Variants in ANKRD52 observed in about 807,000 individuals in gnomAD.
ANKRD52 encodes the protein ankyrin repeat domain 52, also known as serine/threonine-protein phosphatase 6 regulatory ankyrin repeat subunit C.
A neutral mutation model predicts 116.0 loss-of-function variants in ANKRD52; 7 were observed. The ratio of observed to expected loss-of-function variants is 0.06; its 90% CI spans 0.03 to 0.11. The LOEUF (loss-of-function observed/expected upper bound fraction) is 0.11. Among genes scored for constraint, ANKRD52 ranks in the 10% least tolerant of loss-of-function variants. The probability of loss-of-function intolerance (pLI) is 1.00; values close to 1 mark genes in which losing one functional copy is unlikely to be tolerated. For missense variants in ANKRD52, 839 were observed against 1,408.6 expected (o/e 0.60, Z 6.47); for synonymous variants, 528 against 578.1 (o/e 0.91, Z 1.24).
rs1871985767 is a variant in ANKRD52 at position 56,257,017 on chromosome 12, C to T, written c.259G>A (p.Glu87Lys). ...PLHRAAASRN[E>K]KVLGLLLAHS... The stretch of plus-strand genomic sequence containing the variant: ...TAATAGAAGGTGGGGGTGCATACCT[C>T]GTTTCGGGAGGCAGCAGCACGATGA... The change falls in exon 4 of 28, where the codon GAG becomes AAG. Residue 87 changes from glutamate to lysine, a missense_variant and splice_region_variant. By Grantham distance (56) the Glu-to-Lys change is moderately conservative (BLOSUM62 1). This residue lies in a region of ANKRD52 where 287 missense variants were observed against 598.1 expected (regional missense o/e 0.48). Transcript: ENST00000267116. 4 of 1,612,770 alleles carry T rather than the reference C, an allele frequency of 2.5e-6. No homozygotes were observed. The highest frequency in any genetic ancestry group is 1.7e-5 in the Admixed American group (1 of 59,732).
intron 4 of ANKRD52, 148 bp from the exon 5 acceptor site, chr12:56,256,132 T>G: frequency 1.3e-6 from 1 of 764,128 alleles, no homozygotes; most frequent in Non-Finnish European, 2.1e-6. Flanking sequence ...AGCCTCTGAA[T>G]ACCTACTTTC....
At chr12:56,257,803 G>A (rs759874996) in intron 2 of ANKRD52, 25 bp downstream of exon 2, 1 of 1,609,712 alleles carries the variant, frequency 6.2e-7, no homozygotes, top group South Asian at 1.1e-5. Context: ...TTCCGGTCTC[G>A]CCATCCTCCC....
intron 15 of ANKRD52, 111 bp downstream of exon 15, chr12:56,251,880 TCAAGACACACTGCTGGCTGACCGG>T (rs1278420588): frequency 6.4e-6 from 6 of 944,712 alleles, no homozygotes; most frequent in Non-Finnish European, 9.5e-6. Flanking sequence ...CCCAGAGGGC[TCAAGACACACTGCTGGCTGACCGG>T]CAGGACAGCA....
chr12:56,248,594 A>G lies in ANKRD52; in HGVS notation c.1705-28T>C. ...GCAAAGGACAGGAAAGTAGGTGCTG[A>G]GACTCTGGAACTCCCAAGATAGTAC... On this transcript the variant is annotated intron_variant, in intron 16 of 27. Coordinates refer to ENST00000267116, the MANE Select transcript of ANKRD52 (RefSeq NM_173595.4). The surrounding 1 kb of genome is among the most constrained non-coding windows in gnomAD (Gnocchi z 5.1). 1.3e-6 allele frequency: 2 copies of G among 1,567,180 alleles called. No homozygotes were observed. Among genetic ancestry groups the G allele is most frequent in the African/African-American group, 2.7e-5 (2 of 73,896 alleles).
Position 56,255,191 on chromosome 12 carries a change from C to CTAT in ANKRD52, c.463-240_463-239insATA. 2.6e-6 allele frequency: 1 copy of CTAT among 389,000 alleles called. No homozygotes were observed. The highest frequency in any genetic ancestry group is 3.9e-5 in the Admixed American group (1 of 25,582). The allele number at this position is 389,000 out of a possible 1,614,324, so 24.1% of individuals were successfully genotyped here. On this transcript the variant is annotated intron_variant, in intron 5 of 27. Coordinates refer to ENST00000267116, the MANE Select transcript of ANKRD52 (RefSeq NM_173595.4). The surrounding 1 kb of genome is among the most constrained non-coding windows in gnomAD (Gnocchi z 4.3). ...TTCAGGTGATCTGGTGGTTCTTAAA[C>CTAT]TCTTTTTTTTTTTTTTTTTGAGACA... is the stretch of plus-strand genomic sequence containing the variant.
intron 15 of ANKRD52, among the ~76,000 whole-genome samples, chr12:56,249,266 C>G (rs1014058420): frequency 6.6e-6 from 1 of 152,228 alleles, no homozygotes; most frequent in Non-Finnish European, 1.5e-5. Flanking sequence ...TCAGTCCCAG[C>G]TTCTCTCCTC....
At position 56,253,704 on chromosome 12, in the gene ANKRD52, A is replaced by G. The variant is rs755441922; in HGVS notation, c.985+18T>C. 6.2e-7 allele frequency: 1 copy of G among 1,611,772 alleles called. No homozygotes were observed. On this transcript the variant is annotated intron_variant, in intron 9 of 27. Transcript: ENST00000267116. The surrounding 1 kb of genome is among the most constrained non-coding windows in gnomAD (Gnocchi z 5.5). ...GGGGGAGGAGGGGATGAGAGCACAAAGTCTCCCAGGTCCATACCATTCTGG... is the reference window on the plus strand; with the variant it reads ...GGGGGAGGAGGGGATGAGAGCACAAGGTCTCCCAGGTCCATACCATTCTGG...
Position 56,253,175 on chromosome 12 carries a change from G to A in ANKRD52, c.1101-89C>T. 6.9e-7 allele frequency: 1 copy of A among 1,453,412 alleles called. No homozygotes were observed. The highest frequency in any genetic ancestry group is 1.3e-5 in the South Asian group (1 of 77,828). 90.0% of individuals were successfully genotyped at this position (1,453,412 alleles called of 1,614,324 possible). A position where few individuals can be genotyped will look rare whatever the true frequency, so the allele number is the denominator to read the frequency against. ...GACCTACCACCACCCTAGAGTCAGG[G>A]TAGGAGGTTCTCCAAGGTGCCCTTT... is the stretch of plus-strand genomic sequence containing the variant. On this transcript the variant is annotated intron_variant, in intron 10 of 27. Transcript: ENST00000267116. This position sits in a 1 kb window ranked among gnomAD's most constrained non-coding sequence, Gnocchi z 5.5.
chr12:56,254,591 C>G lies in ANKRD52; in HGVS notation c.680G>C (p.Arg227Pro). The G allele has an allele frequency of 6.2e-7, 1 of 1,613,884 alleles. No homozygotes were observed. Among genetic ancestry groups the G allele is most frequent in the Non-Finnish European group, 8.5e-7 (1 of 1,179,846 alleles). Residue 227 changes from arginine (R) to proline (P), a missense_variant, in exon 7 of 28, where the codon CGG becomes CCG. Physicochemically the swap from Arg to Pro is moderately radical, Grantham distance 103. This residue lies in a region of ANKRD52 where 287 missense variants were observed against 598.1 expected (regional missense o/e 0.48). Coordinates refer to ENST00000267116, the MANE Select transcript of ANKRD52 (RefSeq NM_173595.4). The surrounding 1 kb of genome is among the most constrained non-coding windows in gnomAD (Gnocchi z 4.6). Reference sequence around the variant, plus strand: ...CAAAGCCCTGACCTCCGCTCCCATCCGAAGCAGGTACTTCACCACTTCAAT... The same window carrying G: ...CAAAGCCCTGACCTCCGCTCCCATCGGAAGCAGGTACTTCACCACTTCAAT... ...GQIEVVKYLL[R>P]MGAEIDEPNA...
rs1158954505 is a variant in ANKRD52 at position 56,243,604 on chromosome 12, T to C, written c.2980+181A>G. 6.6e-6 allele frequency among the ~76,000 whole-genome samples: 1 copy of C among 152,170 alleles called. No individual in the cohort carries two copies. The highest frequency in any genetic ancestry group is 6.5e-5 in the Admixed American group (1 of 15,284). ...GGCATGGGAGTCAAAGCCTAGGGTG[T>C]GGAGTCCTCCTGACCCTGCAGGCTC... is the stretch of plus-strand genomic sequence containing the variant. On this transcript the variant is annotated intron_variant, in intron 27 of 27. Transcript: ENST00000267116. This position sits in a 1 kb window ranked among gnomAD's most constrained non-coding sequence, Gnocchi z 4.6.
At chr12:56,257,607 G>C (rs1034645159) in intron 2 of ANKRD52, among the ~76,000 whole-genome samples, 11 of 152,156 alleles carry the variant, frequency 7.2e-5, no homozygotes, top group African/African-American at 2.7e-4. Context: ...CGGAGGTTGA[G>C]AAGAGAACAA....
At chr12:56,247,982 G>C (rs1871497817) in intron 18 of ANKRD52, 41 bp downstream of exon 18, 2 of 1,543,082 alleles carry the variant, frequency 1.3e-6, no homozygotes. Flanking sequence ...GAGGGATCTG[G>C]CATGGCAAGG....
At chr12:56,247,953 CA>C in intron 18 of ANKRD52, 69 bp downstream of exon 18, 3 of 1,483,196 alleles carry the variant, frequency 2.0e-6, no homozygotes, top group Non-Finnish European at 2.7e-6. Context: ...CTCCACTTTC[CA>C]GCCCCATTCC....
intron 21 of ANKRD52, 52 bp from the exon 22 acceptor site, chr12:56,245,242 G>T: frequency 6.2e-7 from 1 of 1,607,484 alleles, no homozygotes; most frequent in Non-Finnish European, 8.5e-7. Context: ...AAGGTTCCCT[G>T]TCTGTCCTGT....
intron 20 of ANKRD52, among the ~76,000 whole-genome samples, chr12:56,247,153 T>A (rs1162157838): frequency 1.3e-4 from 20 of 150,234 alleles, no homozygotes; most frequent in Admixed American, 1.3e-3. Context: ...AAGACCAGCT[T>A]GGGCAAGATG....
In ANKRD52 at chr12:56,254,627, G is replaced by C; in HGVS notation, c.644C>G (p.Ala215Gly). The C allele has an allele frequency of 6.2e-7, 1 of 1,613,890 alleles. No individual in the cohort carries two copies. Among genetic ancestry groups the C allele is most frequent in the Non-Finnish European group, 8.5e-7 (1 of 1,179,866 alleles). ...CTTCACCACTTCAATCTGGCCACTG[G>C]CAGCAGCTGTATGGAGCAGCCCATA... ...KGYGLLHTAA[A>G]SGQIEVVKYL... Residue 215 changes from alanine (A) to glycine (G), a missense_variant, in exon 7 of 28, where the codon GCC becomes GGC. Ala to Gly is a moderately conservative substitution (Grantham distance 60). Around this residue, in one of 2 missense-constraint regions of ANKRD52, gnomAD observed 287 missense variants for 598.1 expected, o/e 0.48. Coordinates refer to ENST00000267116, the MANE Select transcript of ANKRD52 (RefSeq NM_173595.4). This position sits in a 1 kb window ranked among gnomAD's most constrained non-coding sequence, Gnocchi z 4.6.
chr12:56,258,154 G>C (rs1872056229), intron 1 of ANKRD52, 89 bp downstream of exon 1: 17 of 1,547,348 alleles, frequency 1.1e-5, no homozygotes, highest in Non-Finnish European at 1.2e-5. Context: ...CCCGGGCTCA[G>C]GCCCAGCCTA....
At position 56,243,885 on chromosome 12, in the gene ANKRD52, A is replaced by G; in HGVS notation, c.2889-9T>C. The G allele has an allele frequency of 6.4e-7, 1 of 1,569,858 alleles. No homozygotes were observed. The highest frequency in any genetic ancestry group is 8.6e-7 in the Non-Finnish European group (1 of 1,156,986). On this transcript the variant is annotated splice_polypyrimidine_tract_variant and intron_variant, in intron 26 of 27. Coordinates refer to ENST00000267116, the MANE Select transcript of ANKRD52 (RefSeq NM_173595.4). The surrounding 1 kb of genome is among the most constrained non-coding windows in gnomAD (Gnocchi z 4.6). ...CAGCAATGTGGAGTGGCCTTGGAAA[A>G]AAGGAAAAAGAAGGAGCTTGATGCT...
In ANKRD52 at chr12:56,238,194, A is replaced by G. The variant is rs1161823811; in HGVS notation, c.*4948T>C. On this transcript the variant is annotated 3_prime_UTR_variant, in exon 28 of 28. Coordinates refer to ENST00000267116, the MANE Select transcript of ANKRD52 (RefSeq NM_173595.4). ...AGGAATGGGAAAATTGCTTAGAGAA[A>G]GATTCCACTAGAATCCAGTGAATTG... The G allele has an allele frequency of 2.5e-5, 4 of 159,452 alleles. No individual in the cohort carries two copies. Among genetic ancestry groups the G allele is most frequent in the African/African-American group, 9.6e-5 (4 of 41,640 alleles). 9.9% of individuals were successfully genotyped at this position (159,452 alleles called of 1,614,324 possible).
Sources: allele counts gnomAD v4.1 joint callset (sites outside exome capture counted in the v4.1 genomes callset), GRCh38; gene constraint gnomAD v4.1.1; regional missense constraint gnomAD v4.1.1; non-coding constraint Gnocchi (gnomAD v3.1); transcripts MANE v1.5; gene names NCBI Gene and HGNC (gene_info 2026-07-23, HGNC 2026-07-21).